Variants in SERPINB10 observed in about 807,000 individuals in gnomAD.
SERPINB10 encodes serpin B10.
SERPINB10 carries 35 observed loss-of-function variants against 39.1 expected under a neutral mutation model. That is an observed-to-expected ratio of 0.90 (90% CI 0.68 to 1.19). The LOEUF (loss-of-function observed/expected upper bound fraction) is 1.19. SERPINB10 is among the 50% of genes most tolerant of loss of function. The pLI is 0.00. For synonymous variants in SERPINB10, 190 were observed against 158.1 expected, an observed-to-expected ratio of 1.20 and a Z score of -1.52; for missense variants, 546 against 460.5, an observed-to-expected ratio of 1.19 and a Z score of -1.70.
intron 1 of SERPINB10, among the ~76,000 whole-genome samples, chr18:63,914,166 T>C (rs1230676136): frequency 6.6e-6 from 1 of 152,116 alleles, no homozygotes. Context: ...TTATTACATG[T>C]GAAATGGGTC....
chr18:63,914,031 C>T (rs1270131153), intron 1 of SERPINB10, among the ~76,000 whole-genome samples: 1 of 152,038 alleles, frequency 6.6e-6, no homozygotes, highest in African/African-American at 2.4e-5. Flanking sequence ...CCTTCTTTGT[C>T]ACTTTTTACT....
At chr18:63,916,321 T>C (rs1433956596) in intron 2 of SERPINB10, among the ~76,000 whole-genome samples, 2 of 149,042 alleles carry the variant, frequency 1.3e-5, no homozygotes, top group Admixed American at 6.8e-5. Context: ...TATGCAACAA[T>C]ATGTATATAT....
intron 5 of SERPINB10, among the ~76,000 whole-genome samples, chr18:63,927,703 T>C (rs2050190696): frequency 1.3e-5 from 2 of 152,112 alleles, no homozygotes; most frequent in South Asian, 4.1e-4. Context: ...AACACAAATA[T>C]TCAGGCCATA....
In SERPINB10 at chr18:63,914,871, T is replaced by G. The variant is rs139019765; in HGVS notation, c.-9-631T>G. On this transcript the variant is annotated intron_variant, in intron 1 of 7. Coordinates refer to ENST00000238508, the MANE Select transcript of SERPINB10 (RefSeq NM_005024.3). ...TAATATCAAAAAAGATGAGGAAAACTGAGTACTCTTGTTCCAGAAGACTAG... is the reference window on the plus strand; with the variant it reads ...TAATATCAAAAAAGATGAGGAAAACGGAGTACTCTTGTTCCAGAAGACTAG... 4.2e-3 allele frequency among the ~76,000 whole-genome samples: 635 copies of G among 152,154 alleles called. 8 individuals are homozygous for G. The highest frequency in any genetic ancestry group is 0.014 in the African/African-American group (599 of 41,540).
chr18:63,923,607 TC>T (rs2144730558), intron 5 of SERPINB10, among the ~76,000 whole-genome samples: 1 of 151,998 alleles, frequency 6.6e-6, no homozygotes, highest in African/African-American at 2.4e-5. Context: ...TAGGCAGGGG[TC>T]TTTTTATTTT....
At chr18:63,934,773 C>T in intron 7 of SERPINB10, 65 bp from the exon 8 acceptor site, 1 of 1,518,378 alleles carries the variant, frequency 6.6e-7, no homozygotes, top group African/African-American at 1.4e-5. Context: ...GGTGCTCTCT[C>T]TACTACTGTT....
In SERPINB10 at chr18:63,933,132, C is replaced by A; in HGVS notation, c.718C>A (p.Gln240Lys). ...HIEKPKAVGL[Q>K]LYYKSRDLSL... Reference sequence around the variant, plus strand: ...AGAAAAGCCAAAAGCAGTGGGCCTTCAACTCTACTACAAAAGCCGTGACCT... The same window carrying A: ...AGAAAAGCCAAAAGCAGTGGGCCTTAAACTCTACTACAAAAGCCGTGACCT... Residue 240 changes from glutamine to lysine, a missense_variant, in exon 7 of 8, where the codon CAA becomes AAA. Transcript: ENST00000238508. 1 of 1,613,952 alleles carries A rather than the reference C, an allele frequency of 6.2e-7. No homozygotes were observed.
chr18:63,919,056 A>G (rs1412647540), intron 4 of SERPINB10, among the ~76,000 whole-genome samples: 2 of 152,024 alleles, frequency 1.3e-5, no homozygotes, highest in Non-Finnish European at 2.9e-5. Context: ...GAATTAACTC[A>G]TCACTTTTTC....
At chr18:63,923,833 C>T (rs948230704) in intron 5 of SERPINB10, among the ~76,000 whole-genome samples, 7 of 151,792 alleles carry the variant, frequency 4.6e-5, no homozygotes, top group Non-Finnish European at 8.8e-5. Context: ...CATTGCTTTG[C>T]CCTTCTGTTA....
chr18:63,911,821 T>C (rs2050066727), intron 1 of SERPINB10, among the ~76,000 whole-genome samples: 1 of 152,100 alleles, frequency 6.6e-6, no homozygotes, highest in South Asian at 2.1e-4. Flanking sequence ...AAAATGACGT[T>C]GGTAGTTTGA....
At chr18:63,923,112 G>A (rs1373555250) in intron 5 of SERPINB10, among the ~76,000 whole-genome samples, 2 of 151,834 alleles carry the variant, frequency 1.3e-5, no homozygotes, top group African/African-American at 4.8e-5. Flanking sequence ...ATAAGCTCAT[G>A]GTGGACACAG....
rs2050257661 is a variant in SERPINB10 at position 63,935,593 on chromosome 18, AT to A, written c.*352del. ...CATATACATCATTAAATGAAAAAAA[AT>A]CTTTATAAAGGTGATATGATATTGA... On this transcript the variant is annotated 3_prime_UTR_variant, in exon 8 of 8. Coordinates refer to ENST00000238508, the MANE Select transcript of SERPINB10 (RefSeq NM_005024.3). The A allele has an allele frequency of 5.7e-6, 1 of 175,860 alleles. No homozygotes were observed. The highest frequency in any genetic ancestry group is 2.4e-5 in the African/African-American group (1 of 42,390). 10.9% of individuals were successfully genotyped at this position (175,860 alleles called of 1,614,324 possible).
rs1245067680 is a variant in SERPINB10 at position 63,915,597 on chromosome 18, C to A, written c.87C>A (p.Phe29Leu). The A allele has an allele frequency of 6.2e-7, 1 of 1,612,662 alleles. No homozygotes were observed. Among genetic ancestry groups the A allele is most frequent in the Non-Finnish European group, 8.5e-7 (1 of 1,179,240 alleles). Residue 29 changes from phenylalanine to leucine, a missense_variant, in exon 2 of 8, where the codon TTC becomes TTA. By Grantham distance (22) the Phe-to-Leu change is conservative (BLOSUM62 0). Transcript: ENST00000238508. ...LAESAQGKNI[F>L]FSSWSISTSL... ...AATCTGCTCAGGGTAAAAATATCTT[C>A]TTTTCTTCCTGGAGCATCTCAACTT...
intron 6 of SERPINB10, among the ~76,000 whole-genome samples, chr18:63,931,554 G>T (rs917926434): frequency 3.1e-4 from 47 of 152,178 alleles, no homozygotes; most frequent in Middle Eastern, 3.4e-3. Flanking sequence ...AGTTGCAGGG[G>T]TGTTTGTTTT....
At chr18:63,911,395 G>C (rs1043725902) in intron 1 of SERPINB10, among the ~76,000 whole-genome samples, 2 of 150,862 alleles carry the variant, frequency 1.3e-5, no homozygotes, top group Admixed American at 6.6e-5. Flanking sequence ...TTTTTTTCTA[G>C]GATTCTGATA....
At chr18:63,932,726 T>G (rs145702250) in intron 6 of SERPINB10, among the ~76,000 whole-genome samples, 1 of 152,370 alleles carries the variant, frequency 6.6e-6, no homozygotes, top group East Asian at 1.9e-4. Flanking sequence ...ATGTAAAATA[T>G]GCCTTAGTTT....
intron 5 of SERPINB10, among the ~76,000 whole-genome samples, chr18:63,929,600 T>A (rs1031472655): frequency 6.6e-6 from 1 of 151,670 alleles, no homozygotes; most frequent in Non-Finnish European, 1.5e-5. Flanking sequence ...AGAAGTAACT[T>A]CCTTTTTTAC....
At chr18:63,925,798 C>A (rs1698878530) in intron 5 of SERPINB10, among the ~76,000 whole-genome samples, 1 of 151,820 alleles carries the variant, frequency 6.6e-6, no homozygotes, top group Non-Finnish European at 1.5e-5. Flanking sequence ...TAAATGGATA[C>A]TAAAATTAGT....
Position 63,933,029 on chromosome 18 carries a change from GT to G in SERPINB10, c.634-12del, listed in dbSNP as rs751956472. 12 of 1,599,666 alleles carry G rather than the reference GT, an allele frequency of 7.5e-6. No individual in the cohort carries two copies. The highest frequency in any genetic ancestry group is 2.2e-5 in the East Asian group (1 of 44,794). ...CAATGACCTTGTTACCTGTTTTTTT[GT>G]TTTTTTGTTTTTTTTAGACTACAAG... On this transcript the variant is annotated intron_variant, in intron 6 of 7. Transcript: ENST00000238508.
Sources: allele counts gnomAD v4.1 joint callset (sites outside exome capture counted in the v4.1 genomes callset), GRCh38; gene constraint gnomAD v4.1.1; transcripts MANE v1.5; gene names NCBI Gene and HGNC (gene_info 2026-07-23, HGNC 2026-07-21).